Variants in PCSK5 observed in about 807,000 individuals in gnomAD.
The protein encoded by PCSK5 is prohormone convertase 5.
Under a neutral mutation model 233.2 loss-of-function variants are expected in PCSK5, and 129 were observed. That is an observed-to-expected ratio of 0.55 (90% CI 0.48 to 0.64). The LOEUF (loss-of-function observed/expected upper bound fraction) is 0.64, where lower values mean the gene tolerates loss of function less well. Ranked by LOEUF, PCSK5 falls within the 30% of genes least tolerant of loss-of-function variation. The pLI is 0.00. For synonymous variants in PCSK5, 825 were observed against 879.2 expected (o/e 0.94, Z 1.09); for missense variants, 2,076 against 2,430.1 (o/e 0.85, Z 3.06).
chr9:76,059,582 C>T (rs1434708575), intron 5 of PCSK5, among the ~76,000 whole-genome samples: 1 of 152,064 alleles, frequency 6.6e-6, no homozygotes, highest in East Asian at 1.9e-4. Context: ...ATATGGCTGG[C>T]CAGTTTTCCC....
intron 24 of PCSK5, among the ~76,000 whole-genome samples, chr9:76,245,515 A>G (rs1328005016): frequency 6.6e-6 from 1 of 152,184 alleles, no homozygotes; most frequent in East Asian, 1.9e-4. Flanking sequence ...TAGAATTTAG[A>G]CAGATAAGAG....
chr9:76,216,202 C>G (rs1825524147), intron 20 of PCSK5, among the ~76,000 whole-genome samples: 1 of 152,042 alleles, frequency 6.6e-6, no homozygotes, highest in South Asian at 2.1e-4. Context: ...TGGAGGGAGA[C>G]AGAGGCTACA....
At chr9:75,948,229 T>C (rs1824668443) in intron 2 of PCSK5, among the ~76,000 whole-genome samples, 1 of 152,126 alleles carries the variant, frequency 6.6e-6, no homozygotes, top group South Asian at 2.1e-4. Context: ...GTTACATATG[T>C]ATACATGTGC....
intron 3 of PCSK5, among the ~76,000 whole-genome samples, chr9:76,019,574 C>A (rs1363541464): frequency 1.3e-5 from 2 of 152,058 alleles, no homozygotes; most frequent in Non-Finnish European, 2.9e-5. Context: ...GCCCTCCCAC[C>A]CATAAACCCT....
At chr9:76,174,062 A>G (rs1447107832) in intron 13 of PCSK5, among the ~76,000 whole-genome samples, 1 of 152,194 alleles carries the variant, frequency 6.6e-6, no homozygotes, top group Non-Finnish European at 1.5e-5. Flanking sequence ...CTAGCCACAT[A>G]TGGCTCTTGA....
intron 24 of PCSK5, among the ~76,000 whole-genome samples, chr9:76,254,473 T>TAAA (rs76446171): frequency 3.8e-4 from 54 of 143,296 alleles, no homozygotes; most frequent in Admixed American, 1.5e-3. Flanking sequence ...AGTCACTATT[T>TAAA]AAAAAAAAAA....
intron 3 of PCSK5, among the ~76,000 whole-genome samples, chr9:75,995,744 T>TACACACACACACAC (rs35132294): frequency 1.7e-3 from 251 of 146,048 alleles, no homozygotes; most frequent in Non-Finnish European, 2.5e-3. Flanking sequence ...GATTCATTCA[T>TACACACACACACAC]ACACACACAC....
At chr9:76,059,351 C>T (rs898948483) in intron 5 of PCSK5, among the ~76,000 whole-genome samples, 3 of 152,192 alleles carry the variant, frequency 2.0e-5, no homozygotes, top group Non-Finnish European at 2.9e-5. Flanking sequence ...TGTGCAGAAG[C>T]TCTTTAGTTT....
At chr9:76,297,757 C>T (rs932114892) in intron 27 of PCSK5, among the ~76,000 whole-genome samples, 5 of 152,156 alleles carry the variant, frequency 3.3e-5, no homozygotes, top group Admixed American at 6.5e-5. Flanking sequence ...GCAAAGGCAA[C>T]GGCAGCCGAA....
chr9:75,991,737 C>T (rs1040595761), intron 3 of PCSK5, among the ~76,000 whole-genome samples: 1 of 152,082 alleles, frequency 6.6e-6, no homozygotes, highest in African/African-American at 2.4e-5. Context: ...GATACAGTGG[C>T]CCGTTTTTTC....
At chr9:76,001,607 C>T (rs957061485) in intron 3 of PCSK5, among the ~76,000 whole-genome samples, 5 of 151,404 alleles carry the variant, frequency 3.3e-5, no homozygotes, top group African/African-American at 1.2e-4. Flanking sequence ...GCAAAACCAT[C>T]TGTTTCAGCA....
intron 2 of PCSK5, among the ~76,000 whole-genome samples, chr9:75,978,047 G>A (rs1450977567): frequency 6.6e-6 from 1 of 152,068 alleles, no homozygotes; most frequent in Non-Finnish European, 1.5e-5. Flanking sequence ...AATCATCCTT[G>A]TGCTACCATC....
rs1044398611 is a variant in PCSK5, at chr9:76,119,114, G to T, written c.1208+11763G>T. Among the ~76,000 whole-genome samples the T allele has an allele frequency of 2.0e-5, 3 of 151,924 alleles. No homozygotes were observed. The East Asian group carries it at 5.8e-4, about 29-fold the overall frequency. On this transcript the variant is annotated intron_variant, in intron 9 of 37. Coordinates refer to ENST00000674117, the MANE Select transcript of PCSK5 (RefSeq NM_001372043.1). ...GGAAATTAGGTGCTGAGACATTTTT[G>T]AATTGTGAGGACTAGTATTCAAATT...
chr9:76,258,696 C>T (rs1827060227), intron 24 of PCSK5, among the ~76,000 whole-genome samples: 1 of 152,160 alleles, frequency 6.6e-6, no homozygotes, highest in South Asian at 2.1e-4. Flanking sequence ...CATGCAAGAA[C>T]TCAGCTCAGA....
At chr9:76,019,988 A>G (rs954284289) in intron 3 of PCSK5, among the ~76,000 whole-genome samples, 1 of 152,262 alleles carries the variant, frequency 6.6e-6, no homozygotes, top group Non-Finnish European at 1.5e-5. Flanking sequence ...TTTATCTTGC[A>G]TATACTGTGC....
Position 76,087,079 on chromosome 9 carries a change from C to T in PCSK5, c.895-8811C>T, listed in dbSNP as rs915669916. On this transcript the variant is annotated intron_variant, in intron 7 of 37. Coordinates refer to ENST00000674117, the MANE Select transcript of PCSK5 (RefSeq NM_001372043.1). ...CTTCCAGTTATACTGTGAAAATAAA[C>T]AAAGTAAAAGAAATCTACACAATTG... 7.3e-5 allele frequency among the ~76,000 whole-genome samples: 11 copies of T among 151,596 alleles called. No individual in the cohort carries two copies. In the East Asian group the frequency reaches 1.9e-3, roughly 27 times the overall value.
chr9:76,225,848 C>T (rs1426172537), intron 20 of PCSK5, among the ~76,000 whole-genome samples: 2 of 152,130 alleles, frequency 1.3e-5, no homozygotes, highest in African/African-American at 2.4e-5. Context: ...GCAGGCGCAG[C>T]CTACACCAGA....
chr9:76,039,343 G>A (rs890120006), intron 5 of PCSK5, among the ~76,000 whole-genome samples: 1 of 152,098 alleles, frequency 6.6e-6, no homozygotes, highest in Non-Finnish European at 1.5e-5. Context: ...CCTTGTCTTT[G>A]GTTAGGGAGA....
Position 76,263,319 on chromosome 9 carries a change from A to G in PCSK5, c.3142+22635A>G, listed in dbSNP as rs140777055. On this transcript the variant is annotated intron_variant, in intron 24 of 37. Transcript: ENST00000674117. Reference sequence around the variant, plus strand: ...CTATAAATCATGCTGCTATAAAGACACATGCACACGTATGTTTATTGCGGC... The same window carrying G: ...CTATAAATCATGCTGCTATAAAGACGCATGCACACGTATGTTTATTGCGGC... 3.5e-4 allele frequency among the ~76,000 whole-genome samples: 53 copies of G among 152,376 alleles called. 2 individuals are homozygous for G. In the East Asian group the frequency reaches 0.01, roughly 29 times the overall value.
Sources: gnomAD v4.1 joint callset for allele counts (sites outside exome capture counted in the v4.1 genomes callset) on GRCh38, gnomAD v4.1.1 for gene constraint, MANE v1.5 for transcripts, NCBI Gene and HGNC (gene_info 2026-07-23, HGNC 2026-07-21) for gene names.